The following PTPN3 variants were observed in gnomAD, a reference collection of about 807,000 sequenced individuals.
PTPN3 encodes the protein protein tyrosine phosphatase non-receptor type 3, also known as tyrosine-protein phosphatase non-receptor type 3.
Under a neutral mutation model 132.7 loss-of-function variants are expected in PTPN3, and 96 were observed. That is an observed-to-expected ratio of 0.72 (90% CI 0.61 to 0.86). The LOEUF (loss-of-function observed/expected upper bound fraction) is 0.86. PTPN3 is among the 40% of genes least tolerant of loss of function. The probability of loss-of-function intolerance (pLI) is 0.00; values close to 1 mark genes in which losing one functional copy is unlikely to be tolerated. For missense variants in PTPN3, 1,125 were observed against 1,159.6 expected, an observed-to-expected ratio of 0.97 and a Z score of 0.43; for synonymous variants, 398 against 429.0, an observed-to-expected ratio of 0.93 and a Z score of 0.89.
At chr9:109,538,216 T>C in the PTPN3 span, among the ~76,000 whole-genome samples, 68 of 152,380 alleles carry the variant, frequency 4.5e-4, no homozygotes, top group Admixed American at 6.5e-4. Context: ...AATGCAGTTT[T>C]TGAAAGGAAC....
chr9:109,414,560 G>T (rs1194836413), intron 14 of PTPN3, among the ~76,000 whole-genome samples: 1 of 152,210 alleles, frequency 6.6e-6, no homozygotes, highest in East Asian at 1.9e-4. Context: ...TGTGGAGACA[G>T]TCACCACAGG....
At chr9:109,451,475 A>G in intron 5 of PTPN3, 4 of 885,682 alleles carry the variant, frequency 4.5e-6, no homozygotes, top group Non-Finnish European at 5.4e-6. Flanking sequence ...ATTCTGTGCT[A>G]AAATCTGCCT....
At chr9:109,472,681 A>G (rs1391725628) in intron 1 of PTPN3, among the ~76,000 whole-genome samples, 1 of 152,252 alleles carries the variant, frequency 6.6e-6, no homozygotes, top group Non-Finnish European at 1.5e-5. Flanking sequence ...ATTGATCAAC[A>G]CTACCTTCTG....
chr9:109,500,008 C>T (rs1485160381), upstream of PTPN3, among the ~76,000 whole-genome samples: 1 of 152,178 alleles, frequency 6.6e-6, no homozygotes, highest in Non-Finnish European at 1.5e-5. Flanking sequence ...GCAGGCGACG[C>T]CCCCCGCAGA....
chr9:109,510,559 A>T, the PTPN3 span, among the ~76,000 whole-genome samples: 2 of 62,646 alleles, frequency 3.2e-5, no homozygotes, highest in Non-Finnish European at 3.0e-5. Flanking sequence ...ACTTTGTCTT[A>T]AAAAAAAAAA....
chr9:109,450,996 A>G, intron 5 of PTPN3: 25 of 979,810 alleles, frequency 2.6e-5, no homozygotes, highest in Non-Finnish European at 3.0e-5. Flanking sequence ...ACTATGTTCC[A>G]GGAATATAGG....
At chr9:109,408,792 A>ATATATATATATATAT (rs1485415942) in intron 16 of PTPN3, among the ~76,000 whole-genome samples, 22 of 62,384 alleles carry the variant, frequency 3.5e-4, no homozygotes, top group East Asian at 1.3e-3. Flanking sequence ...AAAAAAAAAA[A>ATATATATATATATAT]AAAAATATAT....
intron 22 of PTPN3, among the ~76,000 whole-genome samples, chr9:109,387,668 A>G (rs1411477265): frequency 1.3e-5 from 2 of 152,216 alleles, no homozygotes; most frequent in African/African-American, 2.4e-5. Flanking sequence ...GTGCAAGGTT[A>G]AACAGTGGAA....
chr9:109,432,286 AC>A (rs1843715494), intron 10 of PTPN3, among the ~76,000 whole-genome samples: 1 of 152,008 alleles, frequency 6.6e-6, no homozygotes, highest in Admixed American at 6.6e-5. Context: ...CATACCTGGC[AC>A]CAAATCTTCT....
chr9:109,527,448 G>A, the PTPN3 span, among the ~76,000 whole-genome samples: 7 of 152,088 alleles, frequency 4.6e-5, no homozygotes, highest in East Asian at 1.9e-4. Context: ...ATAACGGAGC[G>A]AGACACTGTC....
intron 5 of PTPN3, among the ~76,000 whole-genome samples, chr9:109,451,720 A>C (rs1845258843): frequency 1.3e-5 from 2 of 152,184 alleles, no homozygotes; most frequent in Admixed American, 6.5e-5. Context: ...ATGGAAGTGG[A>C]TGGCCAATGG....
chr9:109,401,719 T>C (rs1423980641), intron 19 of PTPN3, among the ~76,000 whole-genome samples: 1 of 152,144 alleles, frequency 6.6e-6, no homozygotes, highest in African/African-American at 2.4e-5. Flanking sequence ...TTGCCCAGGA[T>C]CTGCACTGCG....
At chr9:109,465,434 G>T (rs1448517355) in intron 1 of PTPN3, among the ~76,000 whole-genome samples, 1 of 152,140 alleles carries the variant, frequency 6.6e-6, no homozygotes, top group Non-Finnish European at 1.5e-5. Context: ...AACTAGCCAG[G>T]CATGGTGGCA....
intron 20 of PTPN3, 28 bp downstream of exon 20, chr9:109,391,443 G>T: frequency 1.3e-6 from 2 of 1,572,878 alleles, no homozygotes; most frequent in Non-Finnish European, 1.7e-6. Flanking sequence ...GTGTAGGGGG[G>T]AAGGAGGCAT....
At chr9:109,397,341 G>A (rs1840687175) in intron 19 of PTPN3, among the ~76,000 whole-genome samples, 1 of 152,212 alleles carries the variant, frequency 6.6e-6, no homozygotes, top group East Asian at 1.9e-4. Flanking sequence ...AAGGAATAAT[G>A]GGATCTGCTG....
chr9:109,391,874 G>C (rs1030494190), intron 19 of PTPN3, among the ~76,000 whole-genome samples: 9 of 105,706 alleles, frequency 8.5e-5, no homozygotes, highest in South Asian at 6.9e-4. Context: ...TAGATGTGGG[G>C]GGGGGGGGGA....
chr9:109,397,040 C>G (rs1216313236), intron 19 of PTPN3, among the ~76,000 whole-genome samples: 1 of 151,798 alleles, frequency 6.6e-6, no homozygotes, highest in Non-Finnish European at 1.5e-5. Context: ...AGGCTGAGAA[C>G]CCAAGAAGGG....
At chr9:109,450,369 A>T (rs1005488591) in intron 5 of PTPN3, 2 of 984,738 alleles carry the variant, frequency 2.0e-6, no homozygotes. Context: ...CTACAATGCT[A>T]CTGAGAGAAA....
intron 1 of PTPN3, among the ~76,000 whole-genome samples, chr9:109,472,622 C>G (rs1846437242): frequency 6.6e-6 from 1 of 152,190 alleles, no homozygotes; most frequent in Admixed American, 6.5e-5. Flanking sequence ...TACTGTACAA[C>G]TGGTACCTGG....
Sources: allele counts gnomAD v4.1 joint callset (sites outside exome capture counted in the v4.1 genomes callset), GRCh38; gene constraint gnomAD v4.1.1; transcripts MANE v1.5; gene names NCBI Gene and HGNC (gene_info 2026-07-23, HGNC 2026-07-21).